The following AP3S2 variants were observed in gnomAD, a reference collection of about 807,000 sequenced individuals.
The protein encoded by AP3S2 is adaptor related protein complex 3 subunit sigma 2, also known as AP-3 complex subunit sigma-2.
Under a neutral mutation model 23.4 loss-of-function variants are expected in AP3S2, and 22 were observed. That is an observed-to-expected ratio of 0.94 (90% CI 0.67 to 1.34). AP3S2 has a LOEUF of 1.34. AP3S2 is among the 40% of genes most tolerant of loss of function. The pLI, the probability that AP3S2 is intolerant of heterozygous loss-of-function variation, is 0.00. For missense variants in AP3S2, 241 were observed against 236.9 expected, an observed-to-expected ratio of 1.02 and a Z score of -0.11; for synonymous variants, 86 against 87.1, an observed-to-expected ratio of 0.99 and a Z score of 0.07.
chr15:89,881,865 G>C, intron 3 of AP3S2, among the ~76,000 whole-genome samples: 1 of 150,392 alleles, frequency 6.6e-6, no homozygotes, highest in Non-Finnish European at 1.5e-5. Context: ...TTGTCGCCCA[G>C]GCTGGAGCGC....
rs1342939385 is a variant in AP3S2, at chr15:89,833,843, G to C, written c.*1672C>G. 6.6e-6 allele frequency: 1 copy of C among 152,284 alleles called. No individual in the cohort carries two copies. Among genetic ancestry groups the C allele is most frequent in the African/African-American group, 2.4e-5 (1 of 41,470 alleles). The allele number at this position is 152,284 out of a possible 1,614,324, so 9.4% of individuals were successfully genotyped here. ...CCACAGGGAGCGCTGTTCAAAAATG[G>C]AAAACAAGGTGGCCCTGACACCGGG... On this transcript the variant is annotated 3_prime_UTR_variant, in exon 6 of 6. Coordinates refer to ENST00000336418, the MANE Select transcript of AP3S2 (RefSeq NM_005829.5).
chr15:89,859,676 C>T (rs1425833849), intron 4 of AP3S2, among the ~76,000 whole-genome samples: 1 of 151,076 alleles, frequency 6.6e-6, no homozygotes, highest in African/African-American at 2.4e-5. Context: ...ATTACAGGCT[C>T]GAGCCACCGC....
At chr15:89,842,671 G>A (rs1008871976) in intron 4 of AP3S2, among the ~76,000 whole-genome samples, 1 of 152,204 alleles carries the variant, frequency 6.6e-6, no homozygotes, top group Non-Finnish European at 1.5e-5. Flanking sequence ...GGAGTGCAGT[G>A]GCGCGATCTC....
intron 4 of AP3S2, among the ~76,000 whole-genome samples, chr15:89,862,363 G>C (rs1041909949): frequency 6.6e-6 from 1 of 152,152 alleles, no homozygotes; most frequent in East Asian, 1.9e-4. Flanking sequence ...TGTTAATTGT[G>C]TTGTGCATCA....
intron 2 of AP3S2, 160 bp from the exon 3 acceptor site, chr15:89,888,792 G>A: frequency 1.1e-6 from 1 of 876,742 alleles, no homozygotes; most frequent in Admixed American, 2.8e-5. Flanking sequence ...GTTTGGCAGA[G>A]GTACCTAAAG....
chr15:89,869,857 G>A (rs1259494039), intron 4 of AP3S2, among the ~76,000 whole-genome samples: 2 of 151,922 alleles, frequency 1.3e-5, no homozygotes, highest in African/African-American at 4.8e-5. Flanking sequence ...GGGTTCAAGC[G>A]ATTCTCCTGA....
rs540376376 is a variant in AP3S2 at position 89,877,615 on chromosome 15, G to A, written c.274-6069C>T. 2.8e-4 allele frequency among the ~76,000 whole-genome samples: 42 copies of A among 152,200 alleles called. 1 individual carries two copies. The highest frequency in any genetic ancestry group is 9.2e-4 in the African/African-American group (38 of 41,512). On this transcript the variant is annotated intron_variant, in intron 3 of 5. Transcript: ENST00000336418. ...TGTAATCCCAGCACTTTGGGAGGGCGAGGCAGGTGGATCACTTGAGGCCAG... is the reference window on the plus strand; with the variant it reads ...TGTAATCCCAGCACTTTGGGAGGGCAAGGCAGGTGGATCACTTGAGGCCAG...
At chr15:89,888,720 A>G in intron 2 of AP3S2, 88 bp from the exon 3 acceptor site, 2 of 1,378,692 alleles carry the variant, frequency 1.5e-6, no homozygotes, top group South Asian at 1.3e-5. Flanking sequence ...GAAAGGACCC[A>G]CTGGAAAGGA....
intron 1 of AP3S2, 164 bp from the exon 2 acceptor site, chr15:89,889,304 T>A (rs1896766439): frequency 1.4e-6 from 1 of 700,046 alleles, no homozygotes; most frequent in Non-Finnish European, 2.4e-6. Context: ...GGAGTGAATC[T>A]ATGAAAGATG....
chr15:89,864,677 G>C (rs917509513), intron 4 of AP3S2, among the ~76,000 whole-genome samples: 2 of 151,820 alleles, frequency 1.3e-5, no homozygotes, highest in Admixed American at 1.3e-4. Context: ...TCAAGTAGCT[G>C]GGACTACAGG....
chr15:89,881,918 TC>T (rs1896577944), intron 3 of AP3S2, among the ~76,000 whole-genome samples: 1 of 151,888 alleles, frequency 6.6e-6, no homozygotes, highest in Admixed American at 6.6e-5. Context: ...CCTCCCGGGT[TC>T]AAGCAATTCT....
chr15:89,855,271 G>C (rs1040638305), intron 4 of AP3S2, among the ~76,000 whole-genome samples: 2 of 102,664 alleles, frequency 1.9e-5, no homozygotes, highest in African/African-American at 7.5e-5. Context: ...TCCACTCAGG[G>C]TTAAATGGAT....
intron 4 of AP3S2, among the ~76,000 whole-genome samples, chr15:89,861,377 C>T (rs1896006225): frequency 6.6e-6 from 1 of 152,158 alleles, no homozygotes; most frequent in Non-Finnish European, 1.5e-5. Flanking sequence ...ATGACCAAAT[C>T]TTGAAAGCCC....
chr15:89,854,149 T>C (rs1481964100), intron 4 of AP3S2, among the ~76,000 whole-genome samples: 1 of 31,248 alleles, frequency 3.2e-5, no homozygotes, highest in Non-Finnish European at 6.1e-5. Context: ...TGGCCAGCCA[T>C]GCCGTCCGGG....
intron 4 of AP3S2, among the ~76,000 whole-genome samples, chr15:89,861,033 C>T (rs1460486928): frequency 1.3e-5 from 2 of 152,230 alleles, no homozygotes; most frequent in East Asian, 1.9e-4. Flanking sequence ...TCTGCTTCAA[C>T]GTCACAGGGT....
intron 3 of AP3S2, chr15:89,878,390 C>T (rs1303922118): frequency 1.8e-6 from 1 of 557,318 alleles, no homozygotes; most frequent in Non-Finnish European, 3.2e-6. Flanking sequence ...AGGAAAAAAT[C>T]TAACTTACAA....
intron 4 of AP3S2, among the ~76,000 whole-genome samples, chr15:89,869,375 T>C (rs1896258202): frequency 1.3e-5 from 2 of 148,858 alleles, no homozygotes; most frequent in Non-Finnish European, 3.0e-5. Flanking sequence ...GAAGGCAGCA[T>C]GCGCGTTAAG....
chr15:89,838,732 G>C (rs1213350273), intron 4 of AP3S2, among the ~76,000 whole-genome samples: 1 of 152,310 alleles, frequency 6.6e-6, no homozygotes, highest in African/African-American at 2.4e-5. Flanking sequence ...AAAGGGTACA[G>C]TGGCTAGAGA....
At chr15:89,864,958 C>T (rs977442351) in intron 4 of AP3S2, among the ~76,000 whole-genome samples, 2 of 152,086 alleles carry the variant, frequency 1.3e-5, no homozygotes, top group East Asian at 1.9e-4. Context: ...AGAAAAGATG[C>T]TCATCTTCAT....
Sources: gnomAD v4.1 joint callset for allele counts (sites outside exome capture counted in the v4.1 genomes callset) on GRCh38, gnomAD v4.1.1 for gene constraint, MANE v1.5 for transcripts, NCBI Gene and HGNC (gene_info 2026-07-23, HGNC 2026-07-21) for gene names.